The following SKAP1 variants were observed in gnomAD, a reference collection of about 807,000 sequenced individuals.
The protein encoded by SKAP1 is src kinase-associated phosphoprotein 1.
In SKAP1, 44 loss-of-function variants were observed where a neutral mutation model predicts 58.5. The ratio of observed to expected loss-of-function variants is 0.75; its 90% CI spans 0.59 to 0.97. The LOEUF (loss-of-function observed/expected upper bound fraction) is 0.97, where lower values mean the gene tolerates loss of function less well. SKAP1 is among the 50% of genes least tolerant of loss of function. SKAP1 has a pLI of 0.00. For missense variants in SKAP1, 390 were observed against 435.2 expected (o/e 0.90, Z 0.92); for synonymous variants, 127 against 149.7 (o/e 0.85, Z 1.11).
At chr17:48,281,881 C>T (rs2065770716) in intron 4 of SKAP1, among the ~76,000 whole-genome samples, 1 of 152,006 alleles carries the variant, frequency 6.6e-6, no homozygotes, top group Non-Finnish European at 1.5e-5. Flanking sequence ...ACAGGCAAGA[C>T]AACTTTTTAA....
At chr17:48,360,644 A>G (rs1388395822) in intron 3 of SKAP1, among the ~76,000 whole-genome samples, 1 of 152,188 alleles carries the variant, frequency 6.6e-6, no homozygotes, top group Non-Finnish European at 1.5e-5. Context: ...TTCTCCAATT[A>G]TGTTTAAGCT....
At chr17:48,351,694 G>A (rs1365628459) in intron 3 of SKAP1, among the ~76,000 whole-genome samples, 1 of 152,092 alleles carries the variant, frequency 6.6e-6, no homozygotes, top group Non-Finnish European at 1.5e-5. Flanking sequence ...TTTACTGTTT[G>A]CTAATTATGT....
chr17:48,271,938 C>CT (rs1252109686), intron 4 of SKAP1, among the ~76,000 whole-genome samples: 1 of 151,928 alleles, frequency 6.6e-6, no homozygotes, highest in Non-Finnish European at 1.5e-5. Context: ...TGACATCCCT[C>CT]TTTTAAAAAA....
intron 4 of SKAP1, among the ~76,000 whole-genome samples, chr17:48,315,581 C>T (rs1335863018): frequency 6.6e-6 from 1 of 152,166 alleles, no homozygotes; most frequent in Non-Finnish European, 1.5e-5. Flanking sequence ...TATCCATTTA[C>T]TGTGTATACT....
chr17:48,218,479 T>C (rs929025225), intron 4 of SKAP1, among the ~76,000 whole-genome samples: 8 of 152,158 alleles, frequency 5.3e-5, no homozygotes, highest in African/African-American at 1.9e-4. Context: ...TCATAAACAC[T>C]ATGGAAAAGG....
intron 4 of SKAP1, among the ~76,000 whole-genome samples, chr17:48,268,738 C>G (rs540691359): frequency 6.6e-6 from 1 of 152,174 alleles, no homozygotes; most frequent in East Asian, 1.9e-4. Flanking sequence ...ATGATCTACC[C>G]GCCTCAGCCT....
In SKAP1 at chr17:48,172,078, A is replaced by C. The variant is rs1050697412; in HGVS notation, c.827-1419T>G. Among the ~76,000 whole-genome samples, 3 of 152,298 alleles carry C rather than the reference A, an allele frequency of 2.0e-5. No individual in the cohort carries two copies. In the South Asian group the frequency reaches 6.2e-4, roughly 32 times the overall value. On this transcript the variant is annotated intron_variant, in intron 9 of 12. Coordinates refer to ENST00000336915, the MANE Select transcript of SKAP1 (RefSeq NM_003726.4). ...CTGTCCTGGGGAAAAAACAAAAAAC[A>C]AAAAACCCTCTTTGATTAATTAGTC...
At chr17:48,169,107 A>G (rs208018) in intron 10 of SKAP1, among the ~76,000 whole-genome samples, 53 of 58,200 alleles carry the variant, frequency 9.1e-4, no homozygotes, top group African/African-American at 1.2e-3. Context: ...GAGGAACAAA[A>G]GGTTTTTTTT....
At chr17:48,224,741 T>C (rs1279247347) in intron 4 of SKAP1, among the ~76,000 whole-genome samples, 3 of 152,162 alleles carry the variant, frequency 2.0e-5, no homozygotes, top group Non-Finnish European at 4.4e-5. Flanking sequence ...AATATATTAA[T>C]GGAAATTTTT....
At chr17:48,152,257 C>T (rs919442363) in intron 11 of SKAP1, among the ~76,000 whole-genome samples, 3 of 152,314 alleles carry the variant, frequency 2.0e-5, no homozygotes, top group Admixed American at 6.5e-5. Context: ...ATAGAAGTTA[C>T]TGCCCTGTAT....
intron 4 of SKAP1, among the ~76,000 whole-genome samples, chr17:48,282,606 T>C (rs1357561886): frequency 2.0e-5 from 3 of 152,036 alleles, no homozygotes; most frequent in Non-Finnish European, 4.4e-5. Flanking sequence ...GGACCTCAGC[T>C]CTACGAAAAA....
chr17:48,193,975 C>T (rs1220167574), intron 4 of SKAP1, among the ~76,000 whole-genome samples: 1 of 151,910 alleles, frequency 6.6e-6, no homozygotes, highest in Non-Finnish European at 1.5e-5. Context: ...GATATCACCA[C>T]CGTCATGAAA....
At chr17:48,191,077 T>C (rs11079814) in intron 4 of SKAP1, among the ~76,000 whole-genome samples, 84,984 of 152,098 alleles carry the variant, frequency 0.56, 24,732 homozygotes, top group East Asian at 0.77. Context: ...CAGCCTTTAA[T>C]TGTATGCTGC....
intron 4 of SKAP1, among the ~76,000 whole-genome samples, chr17:48,333,150 C>T (rs1298183743): frequency 6.6e-6 from 1 of 152,132 alleles, no homozygotes; most frequent in East Asian, 1.9e-4. Flanking sequence ...CACCCTGTAA[C>T]AATCATAAGC....
chr17:48,285,379 G>A (rs1007251160), intron 4 of SKAP1, among the ~76,000 whole-genome samples: 3 of 152,188 alleles, frequency 2.0e-5, no homozygotes, highest in African/African-American at 7.2e-5. Context: ...CACTTTGGGA[G>A]GCCAAGGCGG....
chr17:48,399,213 A>G (rs1260483655), intron 1 of SKAP1, among the ~76,000 whole-genome samples: 1 of 152,192 alleles, frequency 6.6e-6, no homozygotes, highest in Non-Finnish European at 1.5e-5. Context: ...TTTGAATGCT[A>G]ACGAATGAGG....
At chr17:48,226,346 C>T (rs878898965) in intron 4 of SKAP1, among the ~76,000 whole-genome samples, 4 of 151,748 alleles carry the variant, frequency 2.6e-5, no homozygotes, top group African/African-American at 7.3e-5. Flanking sequence ...CCCCAAGATA[C>T]GTTTTTTTTT....
intron 4 of SKAP1, among the ~76,000 whole-genome samples, chr17:48,296,790 T>A (rs1328598983): frequency 6.6e-6 from 1 of 152,066 alleles, no homozygotes; most frequent in Non-Finnish European, 1.5e-5. Context: ...ATAGAAAATA[T>A]TATTATAAAA....
chr17:48,372,914 A>T (rs1034842249), intron 2 of SKAP1, among the ~76,000 whole-genome samples: 3 of 151,764 alleles, frequency 2.0e-5, no homozygotes, highest in African/African-American at 7.3e-5. Context: ...TCCCCAAAGC[A>T]CTGGGATTAC....
Sources: allele counts gnomAD v4.1 joint callset (sites outside exome capture counted in the v4.1 genomes callset), GRCh38; gene constraint gnomAD v4.1.1; transcripts MANE v1.5; gene names NCBI Gene and HGNC (gene_info 2026-07-23, HGNC 2026-07-21).